BBS9: variants seen among roughly 807,000 people sequenced by gnomAD.
BBS9 encodes Bardet-Biedl syndrome 9.
In BBS9, 89 loss-of-function variants were observed where a neutral mutation model predicts 117.7. The ratio of observed to expected loss-of-function variants is 0.76; its 90% CI spans 0.64 to 0.90. The LOEUF is 0.90. Among genes scored for constraint, BBS9 ranks in the 40% least tolerant of loss-of-function variants. The pLI, the probability that BBS9 is intolerant of heterozygous loss-of-function variation, is 0.00. For missense variants in BBS9, 982 were observed against 1,042.2 expected (o/e 0.94, Z 0.80); for synonymous variants, 379 against 370.9 (o/e 1.02, Z -0.25).
At chr7:33,292,655 G>T (rs894594704) in intron 9 of BBS9, among the ~76,000 whole-genome samples, 6 of 152,118 alleles carry the variant, frequency 3.9e-5, no homozygotes, top group Admixed American at 1.3e-4. Flanking sequence ...TGAACTTATT[G>T]TATGCATAAA....
At chr7:33,245,360 G>T (rs1340639066) in intron 5 of BBS9, among the ~76,000 whole-genome samples, 1 of 151,794 alleles carries the variant, frequency 6.6e-6, no homozygotes, top group Non-Finnish European at 1.5e-5. Flanking sequence ...CTAGTGTTAG[G>T]CATACAATGA....
chr7:33,133,431 C>A (rs1411173354), intron 1 of BBS9, among the ~76,000 whole-genome samples: 2 of 152,300 alleles, frequency 1.3e-5, no homozygotes, highest in South Asian at 2.1e-4. Flanking sequence ...CCCCTACCCC[C>A]AGACCTAAGC....
intron 21 of BBS9, among the ~76,000 whole-genome samples, chr7:33,564,701 G>T (rs373642650): frequency 1.3e-5 from 2 of 152,196 alleles, no homozygotes; most frequent in Non-Finnish European, 2.9e-5. Context: ...TTCTGGAAAA[G>T]AGGTGAAAAT....
intron 10 of BBS9, among the ~76,000 whole-genome samples, chr7:33,337,462 T>C (rs1815614029): frequency 6.6e-6 from 1 of 152,080 alleles, no homozygotes; most frequent in Non-Finnish European, 1.5e-5. Context: ...ATCCAATCAT[T>C]TTACTAGATT....
At chr7:33,168,442 T>C (rs1212842510) in intron 4 of BBS9, among the ~76,000 whole-genome samples, 2 of 152,234 alleles carry the variant, frequency 1.3e-5, no homozygotes, top group Non-Finnish European at 2.9e-5. Context: ...TCCTCCTTTT[T>C]TTCCTTTTTG....
At chr7:33,228,577 A>T (rs1791732948) in intron 5 of BBS9, among the ~76,000 whole-genome samples, 1 of 152,102 alleles carries the variant, frequency 6.6e-6, no homozygotes, top group Non-Finnish European at 1.5e-5. Flanking sequence ...CCGAAAATTA[A>T]CTATTATTAG....
intron 17 of BBS9, among the ~76,000 whole-genome samples, chr7:33,370,532 T>A (rs923460713): frequency 6.6e-6 from 1 of 152,190 alleles, no homozygotes; most frequent in Non-Finnish European, 1.5e-5. Context: ...AAAACTGTTA[T>A]CACAGTCCTA....
At chr7:33,457,157 T>C (rs1476258602) in intron 19 of BBS9, among the ~76,000 whole-genome samples, 1 of 152,214 alleles carries the variant, frequency 6.6e-6, no homozygotes, top group Non-Finnish European at 1.5e-5. Flanking sequence ...TCTTTAGACA[T>C]TGTTTACACC....
intron 19 of BBS9, among the ~76,000 whole-genome samples, chr7:33,391,246 C>G (rs1827022517): frequency 6.6e-6 from 1 of 152,144 alleles, no homozygotes; most frequent in African/African-American, 2.4e-5. Context: ...TGCTAGAGTC[C>G]ATTCCTGTCC....
intron 21 of BBS9, among the ~76,000 whole-genome samples, chr7:33,560,590 G>A (rs369262558): frequency 1.8e-4 from 28 of 152,186 alleles, no homozygotes; most frequent in African/African-American, 4.6e-4. Flanking sequence ...CCCCTCCCCC[G>A]TTCACTGTTG....
At position 33,336,454 on chromosome 7, in the gene BBS9, G is replaced by C; in HGVS notation, c.1030G>C (p.Val344Leu). 6.2e-7 allele frequency: 1 copy of C among 1,613,522 alleles called. No individual in the cohort carries two copies. The highest frequency in any genetic ancestry group is 8.5e-7 in the Non-Finnish European group (1 of 1,179,566). ...TCCTTATTGTAGTGATTTAAAGGGA[G>C]TGATAGTCACTCTGAGTGATGATGG... ...RVGCLHDLKG[V>L]IVTLSDDGHL... The change falls in exon 10 of 23, where the codon GTG becomes CTG. Residue 344 changes from valine to leucine, a missense_variant. By Grantham distance (32) the Val-to-Leu change is conservative. Transcript: ENST00000242067.
chr7:33,634,897 G>C (rs1238182216), intron 21 of BBS9, among the ~76,000 whole-genome samples: 1 of 152,186 alleles, frequency 6.6e-6, no homozygotes, highest in Non-Finnish European at 1.5e-5. Context: ...CCGGAGTGTG[G>C]GGTTAGAGAT....
intron 21 of BBS9, among the ~76,000 whole-genome samples, chr7:33,536,742 G>A (rs1217259261): frequency 2.0e-5 from 2 of 99,410 alleles, no homozygotes; most frequent in African/African-American, 5.0e-5. Context: ...GAAAGGAAAA[G>A]GGCAGAAATA....
intron 19 of BBS9, among the ~76,000 whole-genome samples, chr7:33,485,698 T>A (rs1028360021): frequency 6.6e-6 from 1 of 152,198 alleles, no homozygotes; most frequent in African/African-American, 2.4e-5. Flanking sequence ...CATTGGGTGA[T>A]ATAATGAATA....
intron 4 of BBS9, among the ~76,000 whole-genome samples, chr7:33,165,345 A>G (rs181867211): frequency 1.3e-5 from 2 of 152,140 alleles, no homozygotes. Flanking sequence ...TTGTGGCATT[A>G]TCTGTATTTC....
intron 21 of BBS9, among the ~76,000 whole-genome samples, chr7:33,565,826 T>C (rs1324709473): frequency 2.2e-5 from 1 of 46,242 alleles, no homozygotes. Flanking sequence ...TATATATATA[T>C]ACCGCTATAT....
intron 5 of BBS9, among the ~76,000 whole-genome samples, chr7:33,194,919 A>G (rs959278282): frequency 6.6e-6 from 1 of 152,184 alleles, no homozygotes; most frequent in East Asian, 1.9e-4. Context: ...CCAGTGAGAT[A>G]ACATAATCAC....
intron 17 of BBS9, among the ~76,000 whole-genome samples, chr7:33,377,059 C>A (rs1383487993): frequency 6.6e-6 from 1 of 152,084 alleles, no homozygotes; most frequent in Non-Finnish European, 1.5e-5. Context: ...AATTAGATCC[C>A]ATTTGTCATA....
At chr7:33,296,040 A>G (rs563845274) in intron 9 of BBS9, among the ~76,000 whole-genome samples, 1 of 152,276 alleles carries the variant, frequency 6.6e-6, no homozygotes, top group East Asian at 1.9e-4. Flanking sequence ...TATTAATCAC[A>G]GAATTAAACA....
Sources: allele counts gnomAD v4.1 joint callset (sites outside exome capture counted in the v4.1 genomes callset), GRCh38; gene constraint gnomAD v4.1.1; transcripts MANE v1.5; gene names NCBI Gene and HGNC (gene_info 2026-07-23, HGNC 2026-07-21).